The following POM121 variants were observed in gnomAD, a reference collection of about 807,000 sequenced individuals.
The protein encoded by POM121 is POM121 transmembrane nucleoporin.
A neutral mutation model predicts 81.3 loss-of-function variants in POM121; 32 were observed. The observed-to-expected ratio is 0.39, with a 90% CI of 0.30 to 0.53. The LOEUF is 0.53. Among genes scored for constraint, POM121 ranks in the 20% least tolerant of loss-of-function variants. The pLI is 0.66. For synonymous variants in POM121, 514 were observed against 694.2 expected, an observed-to-expected ratio of 0.74 and a Z score of 4.08; for missense variants, 1,138 against 1,614.6, an observed-to-expected ratio of 0.70 and a Z score of 5.06.
chr7:72,895,490 C>A (rs1333340308), intron 3 of POM121, among the ~76,000 whole-genome samples: 3 of 152,078 alleles, frequency 2.0e-5, no homozygotes, highest in African/African-American at 7.2e-5. Flanking sequence ...CTTCCCTGGC[C>A]CCTCCTTCTG....
intron 3 of POM121, among the ~76,000 whole-genome samples, chr7:72,910,839 C>T (rs1260311916): frequency 2.0e-5 from 3 of 152,022 alleles, no homozygotes; most frequent in East Asian, 3.9e-4. Flanking sequence ...TGGTTGTAGA[C>T]TCTGCTCTAA....
chr7:72,922,635 GC>G (rs1258220335), upstream of POM121, among the ~76,000 whole-genome samples: 1 of 151,394 alleles, frequency 6.6e-6, no homozygotes, highest in Non-Finnish European at 1.5e-5. Flanking sequence ...AAAGCGATCC[GC>G]CCACCTTGGC....
In POM121 at chr7:72,948,245, G is replaced by A. The variant is rs549312572; in HGVS notation, c.*2011G>A. ...TCTAGTTGGAATTTTTAGTATGAAT[G>A]TGAGATTTTTCTCCTGCTTGTGACA... On this transcript the variant is annotated 3_prime_UTR_variant, in exon 13 of 13. Transcript: ENST00000434423. 9,702 of 1,454,006 alleles carry A rather than the reference G, an allele frequency of 6.7e-3. 130 individuals carry two copies. Among genetic ancestry groups the A allele is most frequent in the South Asian group, 0.026 (1,811 of 68,446 alleles). 90.1% of individuals were successfully genotyped at this position (1,454,006 alleles called of 1,614,324 possible). A position where few individuals can be genotyped will look rare whatever the true frequency, so the allele number is the denominator to read the frequency against.
intron 3 of POM121, among the ~76,000 whole-genome samples, chr7:72,903,622 G>A (rs1189409480): frequency 6.6e-6 from 1 of 152,070 alleles, no homozygotes; most frequent in Non-Finnish European, 1.5e-5. Flanking sequence ...TCTGCCATTA[G>A]CTTGTGTTCA....
At chr7:72,894,775 A>ACCTT (rs1447182983) in intron 3 of POM121, among the ~76,000 whole-genome samples, 2 of 151,300 alleles carry the variant, frequency 1.3e-5, no homozygotes, top group Non-Finnish European at 2.9e-5. Context: ...CCTCCACCCC[A>ACCTT]CCTTCCAAGT....
chr7:72,926,792 T>G lies in POM121; in HGVS notation c.861-10T>G. On this transcript the variant is annotated splice_polypyrimidine_tract_variant and intron_variant, in intron 2 of 12. Transcript: ENST00000434423. ...ATATCTTACAGCTAGAATCTTGTCTTTCATTGTAGACCAGAGCAGATAATC... is the reference window on the plus strand; with the variant it reads ...ATATCTTACAGCTAGAATCTTGTCTGTCATTGTAGACCAGAGCAGATAATC... The G allele has an allele frequency of 6.2e-7, 1 of 1,611,830 alleles. No individual in the cohort carries two copies. The highest frequency in any genetic ancestry group is 8.5e-7 in the Non-Finnish European group (1 of 1,178,904).
chr7:72,880,237 C>G (rs1302229696), intron 1 of POM121, among the ~76,000 whole-genome samples: 2 of 152,148 alleles, frequency 1.3e-5, no homozygotes, highest in Non-Finnish European at 2.9e-5. Context: ...CTGATCACCC[C>G]CTTATATCTG....
chr7:72,918,222 G>A (rs1404705021), intron 4 of POM121, among the ~76,000 whole-genome samples: 10 of 152,154 alleles, frequency 6.6e-5, no homozygotes, highest in African/African-American at 2.4e-4. Context: ...GAGGAGCAGA[G>A]TCTTCTCTAA....
chr7:72,884,561 GATAGCAAATATATACATATA>G, intron 1 of POM121, among the ~76,000 whole-genome samples: 1 of 49,494 alleles, frequency 2.0e-5, no homozygotes, highest in Non-Finnish European at 4.6e-5. Context: ...ATATATATTT[GATAGCAAATATATACATATA>G]TTTGATAGCA....
downstream of POM121, chr7:72,950,148 G>A (rs562415475): frequency 1.6e-5 from 26 of 1,605,076 alleles, no homozygotes; most frequent in South Asian, 2.8e-4. Context: ...CCGGCATCAA[G>A]GGGTCCAGGA....
intron 5 of POM121, among the ~76,000 whole-genome samples, chr7:72,932,064 G>T (rs1554498719): frequency 6.0e-5 from 9 of 148,856 alleles, no homozygotes; most frequent in Admixed American, 5.4e-4. Context: ...ATACAGTGAG[G>T]TTCGTTTGTT....
chr7:72,929,371 T>C (rs1294891522), intron 4 of POM121, among the ~76,000 whole-genome samples: 2 of 152,190 alleles, frequency 1.3e-5, no homozygotes, highest in African/African-American at 4.8e-5. Flanking sequence ...CGTGGGTCAC[T>C]CTAGGAGAGA....
intron 3 of POM121, among the ~76,000 whole-genome samples, chr7:72,902,347 C>G (rs1326665702): frequency 1.0e-4 from 14 of 134,112 alleles, no homozygotes. Flanking sequence ...ACTGCAACCT[C>G]TGCCTCCTGG....
At chr7:72,900,753 C>A (rs530368824) in intron 3 of POM121, among the ~76,000 whole-genome samples, 1 of 152,156 alleles carries the variant, frequency 6.6e-6, no homozygotes, top group Non-Finnish European at 1.5e-5. Flanking sequence ...ATCTGCCTGC[C>A]TCAGCCTCCC....
In POM121 at chr7:72,925,764, C is replaced by A. The variant is rs1283582726; in HGVS notation, c.643C>A (p.Arg215=). 4 of 1,308,264 alleles carry A rather than the reference C, an allele frequency of 3.1e-6. No homozygotes were observed. The highest frequency in any genetic ancestry group is 2.1e-5 in the South Asian group (1 of 48,484). 81.0% of individuals were successfully genotyped at this position (1,308,264 alleles called of 1,614,324 possible). Residue 215 remains arginine, a splice_region_variant and synonymous_variant, in exon 1 of 13, where the codon CGG becomes AGG. Coordinates refer to ENST00000434423, the MANE Select transcript of POM121 (RefSeq NM_001387691.1). ...LLRPSRRPSP[R]DCGTLPNRFV... The stretch of plus-strand genomic sequence containing the variant: ...CCGACCCTCCAGGAGGCCTTCCCCA[C>A]GGTAAGATGCGCTGATTTTGTCAGA...
intron 3 of POM121, among the ~76,000 whole-genome samples, chr7:72,905,378 T>C (rs1166273907): frequency 3.3e-5 from 5 of 152,236 alleles, no homozygotes; most frequent in Non-Finnish European, 7.3e-5. Context: ...ACAGAACATA[T>C]TTTGTATGAT....
upstream of POM121, among the ~76,000 whole-genome samples, chr7:72,923,116 C>G (rs1554496300): frequency 6.7e-6 from 1 of 148,682 alleles, no homozygotes; most frequent in African/African-American, 2.5e-5. Context: ...CCCCCCAACC[C>G]CCCCCCCCTT....
chr7:72,907,385 T>C (rs1184881874), intron 3 of POM121, among the ~76,000 whole-genome samples: 2 of 152,234 alleles, frequency 1.3e-5, no homozygotes, highest in African/African-American at 2.4e-5. Flanking sequence ...CCATCAAATA[T>C]AATTTTTAAA....
chr7:72,918,093 A>G lies in POM121; in HGVS notation c.-152+4265A>G, dbSNP rs548978650. On this transcript the variant is annotated intron_variant, in intron 4 of 15. Coordinates refer to the POM121 transcript ENST00000395270. ...TCTAGAAGGCAGAGCCAGGTGTACA[A>G]GATGGAACATGAAGGTGGACTAGGA... Among the ~76,000 whole-genome samples, 110 of 152,304 alleles carry G rather than the reference A, an allele frequency of 7.2e-4. 1 individual carries two copies. Among genetic ancestry groups the G allele is most frequent in the Admixed American group, 5.1e-3 (78 of 15,306 alleles).
Sources: gnomAD v4.1 joint callset for allele counts (sites outside exome capture counted in the v4.1 genomes callset) on GRCh38, gnomAD v4.1.1 for gene constraint, MANE v1.5 for transcripts, NCBI Gene and HGNC (gene_info 2026-07-23, HGNC 2026-07-21) for gene names.